PRKN: variants seen among roughly 807,000 people sequenced by gnomAD.
The protein encoded by PRKN is parkin RBR E3 ubiquitin protein ligase.
PRKN carries 56 observed loss-of-function variants against 59.5 expected under a neutral mutation model. That is an observed-to-expected ratio of 0.94 (90% CI 0.76 to 1.18). The LOEUF (loss-of-function observed/expected upper bound fraction) is 1.18, where lower values mean the gene tolerates loss of function less well. PRKN is among the 50% of genes most tolerant of loss of function. PRKN has a pLI of 0.00. For missense variants in PRKN, 657 were observed against 596.4 expected (o/e 1.10, Z -1.06); for synonymous variants, 250 against 222.1 (o/e 1.13, Z -1.12).
intron 4 of PRKN, among the ~76,000 whole-genome samples, chr6:162,145,988 A>G (rs1306913326): frequency 6.6e-6 from 1 of 152,184 alleles, no homozygotes; most frequent in African/African-American, 2.4e-5. Context: ...CGTACTTTCA[A>G]TTTCCCATCT....
At chr6:161,730,830 T>C (rs1787674648) in intron 7 of PRKN, among the ~76,000 whole-genome samples, 1 of 152,158 alleles carries the variant, frequency 6.6e-6, no homozygotes. Flanking sequence ...TTCTGATGTG[T>C]TGCATTCTTT....
chr6:162,049,792 A>G (rs1257308987), intron 5 of PRKN, among the ~76,000 whole-genome samples: 4 of 152,084 alleles, frequency 2.6e-5, no homozygotes, highest in African/African-American at 9.7e-5. Context: ...AATGTCCTAA[A>G]ACACGACCAG....
At chr6:161,838,008 C>T (rs1792833372) in intron 6 of PRKN, among the ~76,000 whole-genome samples, 1 of 152,148 alleles carries the variant, frequency 6.6e-6, no homozygotes, top group South Asian at 2.1e-4. Context: ...TCTCCTTAGC[C>T]TTAACCCCCT....
At chr6:161,748,241 A>G (rs887243693) in intron 7 of PRKN, among the ~76,000 whole-genome samples, 36 of 152,306 alleles carry the variant, frequency 2.4e-4, no homozygotes, top group African/African-American at 8.4e-4. Flanking sequence ...TGATGGGCAC[A>G]ATGTACTTAT....
chr6:162,015,499 A>G (rs1782902443), intron 5 of PRKN, among the ~76,000 whole-genome samples: 2 of 152,172 alleles, frequency 1.3e-5, no homozygotes, highest in African/African-American at 2.4e-5. Context: ...GTCCAGTTTC[A>G]GCCACAGCCT....
chr6:162,285,574 A>T (rs1478065586), intron 2 of PRKN, among the ~76,000 whole-genome samples: 1 of 152,188 alleles, frequency 6.6e-6, no homozygotes, highest in East Asian at 1.9e-4. Flanking sequence ...GAATGAATGA[A>T]TATCAGTAAT....
At position 161,498,931 on chromosome 6, in the gene PRKN, G is replaced by T. The variant is rs1487890574; in HGVS notation, c.1083+49923C>A. Among the ~76,000 whole-genome samples, 1 of 152,056 alleles carries T rather than the reference G, an allele frequency of 6.6e-6. No homozygotes were observed. Among genetic ancestry groups the T allele is most frequent in the East Asian group, 1.9e-4 (1 of 5,194 alleles). On this transcript the variant is annotated intron_variant, in intron 9 of 11. Transcript: ENST00000366898. This position sits in a 1 kb window ranked among gnomAD's most constrained non-coding sequence, Gnocchi z 4.2. ...TGTTGAAGAGTGAGATGGGGTGAGT[G>T]TGTGTGTATGGGGATGGGGGAGGAT...
At chr6:162,381,047 G>C (rs1385846507) in intron 2 of PRKN, among the ~76,000 whole-genome samples, 2 of 152,084 alleles carry the variant, frequency 1.3e-5, no homozygotes, top group African/African-American at 4.8e-5. Flanking sequence ...TCCTCTTCCA[G>C]CTATTTCTGG....
intron 1 of PRKN, chr6:162,727,415 A>G (rs1022575809): frequency 8.3e-6 from 4 of 481,022 alleles, no homozygotes; most frequent in Non-Finnish European, 1.5e-5. Flanking sequence ...GTCCCCGTCG[A>G]GGCGGTCTTC....
chr6:162,558,347 G>A (rs1209243938), intron 1 of PRKN, among the ~76,000 whole-genome samples: 1 of 62,332 alleles, frequency 1.6e-5, no homozygotes. Flanking sequence ...TTTTTTTTCT[G>A]AGACGGAGTT....
intron 5 of PRKN, among the ~76,000 whole-genome samples, chr6:161,975,088 T>C (rs1240550472): frequency 8.1e-6 from 1 of 123,024 alleles, no homozygotes; most frequent in African/African-American, 3.3e-5. Context: ...TATACTTCTT[T>C]TTTTTTTTTT....
chr6:162,173,464 CCTTTGACA>C (rs1414733546), intron 4 of PRKN, among the ~76,000 whole-genome samples: 2 of 151,784 alleles, frequency 1.3e-5, no homozygotes, highest in African/African-American at 4.8e-5. Context: ...TTGGTGTTGA[CCTTTGACA>C]CTTGTGAGCA....
rs1781458945 is a variant in PRKN, at chr6:161,584,624, A to G, written c.872-15208T>C. On this transcript the variant is annotated intron_variant, in intron 7 of 11. Transcript: ENST00000366898. This position sits in a 1 kb window ranked among gnomAD's most constrained non-coding sequence, Gnocchi z 4.8. ...TAAGAGAGTAGCTGTTGTCCCTCCA[A>G]TAAAAAGTGTGCAATGAATATCTGT... Among the ~76,000 whole-genome samples the G allele has an allele frequency of 6.6e-6, 1 of 152,200 alleles. No homozygotes were observed. The highest frequency in any genetic ancestry group is 2.1e-4 in the South Asian group (1 of 4,830).
intron 3 of PRKN, among the ~76,000 whole-genome samples, chr6:162,234,425 T>A (rs564381079): frequency 2.6e-4 from 39 of 152,350 alleles, no homozygotes; most frequent in African/African-American, 9.4e-4. Context: ...ACAAGTCATA[T>A]GTTTTAATTT....
chr6:162,472,350 C>T (rs1182606582), intron 1 of PRKN, among the ~76,000 whole-genome samples: 1 of 137,120 alleles, frequency 7.3e-6, no homozygotes, highest in Admixed American at 7.5e-5. Context: ...GCTACCCCTC[C>T]CCCCACCCCC....
chr6:161,816,207 G>A (rs1195958593), intron 6 of PRKN, among the ~76,000 whole-genome samples: 2 of 152,104 alleles, frequency 1.3e-5, no homozygotes, highest in African/African-American at 2.4e-5. Flanking sequence ...GCAGCAGCAT[G>A]CGTGAGTCTT....
At chr6:162,526,518 C>T (rs9356035) in intron 1 of PRKN, among the ~76,000 whole-genome samples, 27,810 of 151,254 alleles carry the variant, frequency 0.18, 3,211 homozygotes, top group East Asian at 0.49. Flanking sequence ...GGCCTGGTGG[C>T]GCATGCCTGC....
At chr6:162,467,939 A>G (rs372632202) in intron 1 of PRKN, among the ~76,000 whole-genome samples, 113 of 152,118 alleles carry the variant, frequency 7.4e-4, no homozygotes, top group African/African-American at 2.6e-3. Flanking sequence ...CTATCTTTCC[A>G]TGACTCATTC....
At chr6:161,746,643 T>G (rs1208908507) in intron 7 of PRKN, among the ~76,000 whole-genome samples, 1 of 146,520 alleles carries the variant, frequency 6.8e-6, no homozygotes, top group Non-Finnish European at 1.5e-5. Flanking sequence ...TGTATATATG[T>G]ATATATCTAT....
Sources: allele counts gnomAD v4.1 joint callset (sites outside exome capture counted in the v4.1 genomes callset), GRCh38; gene constraint gnomAD v4.1.1; non-coding constraint Gnocchi (gnomAD v3.1); transcripts MANE v1.5; gene names NCBI Gene and HGNC (gene_info 2026-07-23, HGNC 2026-07-21).